Variants in BCL2L11 observed in about 807,000 individuals in gnomAD.
BCL2L11 encodes the protein BCL2 like 11.
Under a neutral mutation model 20.6 loss-of-function variants are expected in BCL2L11, and 15 were observed. The observed-to-expected ratio is 0.73, with a 90% CI of 0.49 to 1.12. BCL2L11 has a LOEUF of 1.12. Among genes scored for constraint, BCL2L11 ranks in the 50% most tolerant of loss-of-function variants. The pLI, the probability that BCL2L11 is intolerant of heterozygous loss-of-function variation, is 0.00. For missense variants in BCL2L11, 292 were observed against 260.9 expected, an observed-to-expected ratio of 1.12 and a Z score of -0.82; for synonymous variants, 108 against 92.8, an observed-to-expected ratio of 1.16 and a Z score of -0.94.
intron 3 of BCL2L11, chr2:111,161,350 A>G (rs1183756561): frequency 6.6e-7 from 1 of 1,521,068 alleles, no homozygotes; most frequent in Admixed American, 2.0e-5. Flanking sequence ...TAATCAGGAA[A>G]GACAGTCTGT....
Position 111,164,336 on chromosome 2 carries a change from T to A in BCL2L11, c.*105T>A. Reference sequence around the variant, plus strand: ...GTGCCATTATTATGCAGCCAGCGGTTCTCTTGTGGAGGGGGCAGGTGACGT... The same window carrying A: ...GTGCCATTATTATGCAGCCAGCGGTACTCTTGTGGAGGGGGCAGGTGACGT... On this transcript the variant is annotated 3_prime_UTR_variant, in exon 4 of 4. Coordinates refer to ENST00000393256, the MANE Select transcript of BCL2L11 (RefSeq NM_138621.5). The A allele has an allele frequency of 1.2e-6, 1 of 848,830 alleles. No individual in the cohort carries two copies. Among genetic ancestry groups the A allele is most frequent in the Non-Finnish European group, 2.0e-6 (1 of 496,570 alleles). The allele number at this position is 848,830 out of a possible 1,614,324, so 52.6% of individuals were successfully genotyped here.
At position 111,123,909 on chromosome 2, in the gene BCL2L11, G is replaced by T. The variant is rs1215518393; in HGVS notation, c.164G>T (p.Cys55Phe). ...EGNHGGEGDS[C>F]PHGSPQGPLA... ...AATCACGGAGGTGAAGGGGACAGCT[G>T]CCCCCACGGCAGCCCTCAGGGCCCG... The change falls in exon 2 of 4, where the codon TGC becomes TTC. Residue 55 changes from cysteine (C) to phenylalanine (F), a missense_variant. By Grantham distance (205) the Cys-to-Phe change is radical. Coordinates refer to ENST00000393256, the MANE Select transcript of BCL2L11 (RefSeq NM_138621.5). 1 of 1,612,996 alleles carries T rather than the reference G, an allele frequency of 6.2e-7. No homozygotes were observed. The highest frequency in any genetic ancestry group is 8.5e-7 in the Non-Finnish European group (1 of 1,179,494).
chr2:111,126,767 T>A (rs1163241860), intron 2 of BCL2L11, among the ~76,000 whole-genome samples: 1 of 152,190 alleles, frequency 6.6e-6, no homozygotes, highest in Non-Finnish European at 1.5e-5. Context: ...TATTGCAAAA[T>A]ACATTTTCCA....
In BCL2L11 at chr2:111,164,951, C is replaced by A. The variant is rs1278041367; in HGVS notation, c.*720C>A. 1 of 152,198 alleles carries A rather than the reference C, an allele frequency of 6.6e-6. No homozygotes were observed. The highest frequency in any genetic ancestry group is 2.4e-5 in the African/African-American group (1 of 41,444). 9.4% of individuals were successfully genotyped at this position (152,198 alleles called of 1,614,324 possible). On this transcript the variant is annotated 3_prime_UTR_variant, in exon 4 of 4. Transcript: ENST00000393256. ...GTGGCAAAATTTCAGACTATTTTTG[C>A]GTCTTTCCTCATCACTTTTTGTGAT...
chr2:111,144,590 C>CT, intron 2 of BCL2L11: 1 of 1,459,362 alleles, frequency 6.9e-7, no homozygotes. Context: ...TTGGATAACT[C>CT]TGAATTTAGA....
At chr2:111,161,466 T>C (rs1176239853) in intron 3 of BCL2L11, 8 of 1,550,490 alleles carry the variant, frequency 5.2e-6, no homozygotes, top group Admixed American at 2.0e-5. Context: ...CGCAGACTTA[T>C]TGGACACTAG....
intron 2 of BCL2L11, among the ~76,000 whole-genome samples, chr2:111,147,211 A>T (rs1245012325): frequency 6.6e-6 from 1 of 152,144 alleles, no homozygotes; most frequent in Non-Finnish European, 1.5e-5. Flanking sequence ...TGCTAAAGAC[A>T]CATCTCAGGG....
At chr2:111,139,701 T>C (rs1036652319) in intron 2 of BCL2L11, among the ~76,000 whole-genome samples, 2 of 152,192 alleles carry the variant, frequency 1.3e-5, no homozygotes, top group Non-Finnish European at 2.9e-5. Flanking sequence ...ATAAACAACA[T>C]GTACCCGGTT....
At chr2:111,148,108 T>C (rs941675018) in intron 2 of BCL2L11, among the ~76,000 whole-genome samples, 12 of 152,198 alleles carry the variant, frequency 7.9e-5, no homozygotes, top group African/African-American at 2.2e-4. Context: ...CTTTTGATAA[T>C]TGGTGTTTTC....
chr2:111,159,786 C>T (rs189063323), intron 3 of BCL2L11, among the ~76,000 whole-genome samples: 22 of 152,346 alleles, frequency 1.4e-4, no homozygotes, highest in African/African-American at 4.3e-4. Flanking sequence ...AGGAACCCCA[C>T]GCTAGGGCAT....
intron 2 of BCL2L11, among the ~76,000 whole-genome samples, chr2:111,133,004 G>C (rs2074232625): frequency 6.6e-6 from 1 of 152,274 alleles, no homozygotes; most frequent in Middle Eastern, 3.4e-3. Flanking sequence ...AATGTGTCAA[G>C]GTTTGTTTTG....
At chr2:111,151,349 A>G (rs1172410652) in intron 3 of BCL2L11, among the ~76,000 whole-genome samples, 1 of 152,242 alleles carries the variant, frequency 6.6e-6, no homozygotes, top group Non-Finnish European at 1.5e-5. Flanking sequence ...CACCTCATAT[A>G]AAGGTATTAA....
intron 2 of BCL2L11, among the ~76,000 whole-genome samples, chr2:111,133,162 A>G (rs1162691369): frequency 6.6e-6 from 1 of 152,240 alleles, no homozygotes; most frequent in African/African-American, 2.4e-5. Flanking sequence ...AATTTTGCTC[A>G]TGAAAGTATA....
At chr2:111,144,459 G>T in intron 2 of BCL2L11, 1 of 1,550,352 alleles carries the variant, frequency 6.5e-7, no homozygotes, top group Non-Finnish European at 8.7e-7. Context: ...CGCAAACGCT[G>T]ATGGCAGTTG....
intron 2 of BCL2L11, among the ~76,000 whole-genome samples, chr2:111,124,862 A>G (rs2072185201): frequency 6.6e-6 from 1 of 151,308 alleles, no homozygotes; most frequent in Non-Finnish European, 1.5e-5. Context: ...GAACCATGAA[A>G]ATGGTTTGTT....
intron 2 of BCL2L11, among the ~76,000 whole-genome samples, chr2:111,149,543 A>T (rs1332622154): frequency 2.0e-5 from 3 of 152,138 alleles, no homozygotes; most frequent in African/African-American, 7.2e-5. Flanking sequence ...CAACTTATTC[A>T]GGTTTCTCAG....
chr2:111,155,778 C>T (rs2077761412), intron 3 of BCL2L11, among the ~76,000 whole-genome samples: 1 of 152,184 alleles, frequency 6.6e-6, no homozygotes. Context: ...AATAAAAACC[C>T]TTTCATTGTT....
At position 111,156,489 on chromosome 2, in the gene BCL2L11, C is replaced by T. The variant is rs576440626; in HGVS notation, c.498+6342C>T. Among the ~76,000 whole-genome samples the T allele has an allele frequency of 8.3e-4, 126 of 152,248 alleles. 2 individuals are homozygous for T. The highest frequency in any genetic ancestry group is 1.6e-4 in the Non-Finnish European group (11 of 68,024). ...GCAGCTCAGTGTTTGGGTTTAGGAG[C>T]CTTTCTTTCCTGTCTTAGACTACCC... On this transcript the variant is annotated intron_variant, in intron 3 of 3. Coordinates refer to ENST00000393256, the MANE Select transcript of BCL2L11 (RefSeq NM_138621.5).
At chr2:111,132,764 G>T (rs1034249178) in intron 2 of BCL2L11, among the ~76,000 whole-genome samples, 4 of 152,212 alleles carry the variant, frequency 2.6e-5, no homozygotes, top group African/African-American at 9.6e-5. Context: ...AAAGTATCTT[G>T]AGGTTCCTGG....
Sources: allele counts gnomAD v4.1 joint callset (sites outside exome capture counted in the v4.1 genomes callset), GRCh38; gene constraint gnomAD v4.1.1; transcripts MANE v1.5; gene names NCBI Gene and HGNC (gene_info 2026-07-23, HGNC 2026-07-21).